Variants in CAMKMT observed in about 807,000 individuals in gnomAD.
CAMKMT encodes CaM KMT.
Under a neutral mutation model 48.0 loss-of-function variants are expected in CAMKMT, and 53 were observed. The observed-to-expected ratio is 1.10, with a 90% confidence interval of 0.89 to 1.39. The LOEUF is 1.39. CAMKMT is among the 40% of genes most tolerant of loss of function. CAMKMT has a pLI of 0.00. For missense variants in CAMKMT, 428 were observed against 402.7 expected, an observed-to-expected ratio of 1.06 and a Z score of -0.54; for synonymous variants, 165 against 152.3, an observed-to-expected ratio of 1.08 and a Z score of -0.61.
intron 3 of CAMKMT, among the ~76,000 whole-genome samples, chr2:44,412,015 G>C (rs754440899): frequency 1.8e-5 from 2 of 111,644 alleles, no homozygotes; most frequent in South Asian, 5.8e-4. Flanking sequence ...TTTTTTAGCA[G>C]ACAGTGTAGA....
chr2:44,453,334 A>G (rs942266881), intron 3 of CAMKMT, among the ~76,000 whole-genome samples: 13 of 152,068 alleles, frequency 8.5e-5, no homozygotes, highest in Non-Finnish European at 1.8e-4. Flanking sequence ...TATTAGCTCT[A>G]AGGTAAAATA....
At chr2:44,532,241 A>G (rs756024170) in intron 3 of CAMKMT, among the ~76,000 whole-genome samples, 1 of 152,220 alleles carries the variant, frequency 6.6e-6, no homozygotes, top group Non-Finnish European at 1.5e-5. Context: ...GTTTTTGTTG[A>G]TCAAAGAATG....
intron 7 of CAMKMT, among the ~76,000 whole-genome samples, chr2:44,716,115 G>C (rs1360116921): frequency 6.6e-6 from 1 of 152,080 alleles, no homozygotes; most frequent in Non-Finnish European, 1.5e-5. Context: ...TGCATTTTTT[G>C]TCATTCATTT....
rs374825236 is a variant in CAMKMT at position 44,573,419 on chromosome 2, A to G, written c.377-130864A>G. 4.0e-5 allele frequency among the ~76,000 whole-genome samples: 6 copies of G among 151,124 alleles called. No individual in the cohort carries two copies. In the East Asian group the frequency reaches 9.7e-4, roughly 24 times the overall value. ...TTTTTTTTAGTGTATATTATCTTTT[A>G]TTTACCTATGTAGTGACTTTAATCA... On this transcript the variant is annotated intron_variant, in intron 3 of 10. Coordinates refer to ENST00000378494, the MANE Select transcript of CAMKMT (RefSeq NM_024766.5).
At chr2:44,660,422 G>A (rs1674617953) in intron 3 of CAMKMT, among the ~76,000 whole-genome samples, 1 of 152,166 alleles carries the variant, frequency 6.6e-6, no homozygotes, top group Non-Finnish European at 1.5e-5. Context: ...TAGAAGATAG[G>A]CAATGCATAT....
At chr2:44,526,434 G>T (rs1671407005) in intron 3 of CAMKMT, among the ~76,000 whole-genome samples, 1 of 152,158 alleles carries the variant, frequency 6.6e-6, no homozygotes, top group East Asian at 1.9e-4. Context: ...TATGCAGGCA[G>T]AGAAGGCACA....
At chr2:44,737,884 G>T (rs1200879091) in intron 7 of CAMKMT, among the ~76,000 whole-genome samples, 1 of 118,554 alleles carries the variant, frequency 8.4e-6, no homozygotes, top group Middle Eastern at 4.0e-3. Flanking sequence ...TTGAGATGGA[G>T]TCTCGCTGTT....
intron 2 of CAMKMT, among the ~76,000 whole-genome samples, chr2:44,373,461 A>G (rs1470949934): frequency 1.3e-5 from 2 of 152,158 alleles, no homozygotes; most frequent in Non-Finnish European, 2.9e-5. Flanking sequence ...TACTGAATTA[A>G]TTTTCTCTCA....
intron 3 of CAMKMT, among the ~76,000 whole-genome samples, chr2:44,457,616 C>T (rs1394940254): frequency 6.6e-6 from 1 of 152,042 alleles, no homozygotes; most frequent in Non-Finnish European, 1.5e-5. Context: ...CCAGGCTGGT[C>T]TCAAACTCCT....
intron 3 of CAMKMT, among the ~76,000 whole-genome samples, chr2:44,430,661 T>C (rs1211886611): frequency 6.6e-6 from 1 of 152,144 alleles, no homozygotes; most frequent in Admixed American, 6.6e-5. Context: ...GCTTACTCTT[T>C]GCAATAAAAC....
Position 44,430,916 on chromosome 2 carries a change from A to G in CAMKMT, c.376+40611A>G, listed in dbSNP as rs193127925. 3.7e-3 allele frequency among the ~76,000 whole-genome samples: 570 copies of G among 152,354 alleles called. 3 individuals are homozygous for G. The highest frequency in any genetic ancestry group is 0.013 in the African/African-American group (550 of 41,574). ...ATTAGTAAAGATTTGCAAAAGTACT[A>G]TAAGAGCTATCAACACTGTAAACAA... is the stretch of plus-strand genomic sequence containing the variant. On this transcript the variant is annotated intron_variant, in intron 3 of 10. Transcript: ENST00000378494.
At chr2:44,748,299 A>C (rs553493433) in intron 8 of CAMKMT, among the ~76,000 whole-genome samples, 1 of 152,304 alleles carries the variant, frequency 6.6e-6, no homozygotes, top group East Asian at 1.9e-4. Flanking sequence ...GCCGTGTGTT[A>C]AGCTGTGATG....
At chr2:44,598,822 G>C (rs1413167590) in intron 3 of CAMKMT, among the ~76,000 whole-genome samples, 1 of 151,028 alleles carries the variant, frequency 6.6e-6, no homozygotes, top group Non-Finnish European at 1.5e-5. Context: ...GTTTCACAAT[G>C]TGAAGTTCAA....
chr2:44,737,580 G>A (rs1195924781), intron 7 of CAMKMT, among the ~76,000 whole-genome samples: 1 of 152,096 alleles, frequency 6.6e-6, no homozygotes, highest in Non-Finnish European at 1.5e-5. Flanking sequence ...AATCTGGCTG[G>A]TGGAACACTC....
chr2:44,579,257 C>T (rs1270606732), intron 3 of CAMKMT, among the ~76,000 whole-genome samples: 2 of 151,346 alleles, frequency 1.3e-5, no homozygotes, highest in Non-Finnish European at 2.9e-5. Context: ...AAATTTGTTA[C>T]ATGAAATGTC....
intron 3 of CAMKMT, among the ~76,000 whole-genome samples, chr2:44,423,689 G>T (rs1054185296): frequency 6.6e-6 from 1 of 152,116 alleles, no homozygotes; most frequent in Non-Finnish European, 1.5e-5. Context: ...TGTGTTTTCT[G>T]CACTTAACAC....
chr2:44,568,841 G>A (rs1462999237), intron 3 of CAMKMT, among the ~76,000 whole-genome samples: 1 of 152,198 alleles, frequency 6.6e-6, no homozygotes, highest in Non-Finnish European at 1.5e-5. Flanking sequence ...GCCCTGTGGA[G>A]GCTAGTGCGG....
intron 7 of CAMKMT, among the ~76,000 whole-genome samples, chr2:44,742,812 T>C (rs1679751968): frequency 6.6e-6 from 1 of 152,142 alleles, no homozygotes; most frequent in Non-Finnish European, 1.5e-5. Flanking sequence ...GGGTAGGACA[T>C]GTTCAATCCG....
intron 3 of CAMKMT, among the ~76,000 whole-genome samples, chr2:44,414,665 C>G (rs1269633411): frequency 2.6e-5 from 4 of 152,148 alleles, no homozygotes; most frequent in African/African-American, 9.7e-5. Flanking sequence ...CCCTAATCCC[C>G]TGAGAGAGGG....
Sources: gnomAD v4.1 joint callset for allele counts (sites outside exome capture counted in the v4.1 genomes callset) on GRCh38, gnomAD v4.1.1 for gene constraint, MANE v1.5 for transcripts, NCBI Gene and HGNC (gene_info 2026-07-23, HGNC 2026-07-21) for gene names.